Variants in CPED1 observed in about 807,000 individuals in gnomAD.
The protein encoded by CPED1 is cadherin-like and PC-esterase domain-containing protein 1.
A neutral mutation model predicts 128.2 loss-of-function variants in CPED1; 114 were observed. The ratio of observed to expected loss-of-function variants is 0.89; its 90% CI spans 0.76 to 1.04. The LOEUF is 1.04. Among genes scored for constraint, CPED1 ranks in the 50% least tolerant of loss-of-function variants. The probability of loss-of-function intolerance (pLI) is 0.00; values close to 1 mark genes in which losing one functional copy is unlikely to be tolerated. For missense variants in CPED1, 1,211 were observed against 1,207.1 expected (o/e 1.00, Z -0.05); for synonymous variants, 462 against 426.7 (o/e 1.08, Z -1.02).
chr7:121,284,054 G>A (rs978529196), intron 22 of CPED1, among the ~76,000 whole-genome samples: 9 of 152,224 alleles, frequency 5.9e-5, no homozygotes, highest in African/African-American at 1.9e-4. Flanking sequence ...ATAAAGGAAA[G>A]AGGTTTAATT....
At chr7:121,247,313 G>C (rs1798561148) in intron 18 of CPED1, among the ~76,000 whole-genome samples, 1 of 152,134 alleles carries the variant, frequency 6.6e-6, no homozygotes, top group South Asian at 2.1e-4. Flanking sequence ...AGAGGAGTGG[G>C]AGAGGGGCAG....
intron 10 of CPED1, among the ~76,000 whole-genome samples, chr7:121,128,017 G>C (rs1795552046): frequency 6.6e-6 from 1 of 152,132 alleles, no homozygotes; most frequent in Non-Finnish European, 1.5e-5. Flanking sequence ...CAGAGGACTT[G>C]AATTATAATG....
intron 22 of CPED1, among the ~76,000 whole-genome samples, chr7:121,294,806 CAAA>C (rs752742828): frequency 4.9e-5 from 3 of 61,392 alleles, no homozygotes; most frequent in African/African-American, 5.9e-5. Flanking sequence ...GCCTTCTAAG[CAAA>C]AAAAAAAAAA....
At chr7:121,020,301 T>C (rs1471900383) in intron 3 of CPED1, among the ~76,000 whole-genome samples, 2 of 152,026 alleles carry the variant, frequency 1.3e-5, no homozygotes, top group Non-Finnish European at 2.9e-5. Flanking sequence ...TGGCAAACTA[T>C]AGTCCACTGG....
At chr7:121,251,449 T>G (rs1056407811) in intron 18 of CPED1, among the ~76,000 whole-genome samples, 2 of 152,008 alleles carry the variant, frequency 1.3e-5, no homozygotes, top group Admixed American at 6.6e-5. Flanking sequence ...CAACATAGTG[T>G]TGGAAGTTCT....
intron 2 of CPED1, among the ~76,000 whole-genome samples, chr7:120,992,267 G>T (rs1434702973): frequency 6.6e-6 from 1 of 151,998 alleles, no homozygotes; most frequent in Non-Finnish European, 1.5e-5. Context: ...TGTAAATTTT[G>T]GATTTTGTTA....
chr7:121,081,508 A>G (rs1794294327), intron 5 of CPED1, among the ~76,000 whole-genome samples: 1 of 152,146 alleles, frequency 6.6e-6, no homozygotes, highest in Admixed American at 6.5e-5. Context: ...CACTTCTCCT[A>G]GCACCATCTA....
chr7:121,232,190 A>G (rs1798155535), intron 16 of CPED1, among the ~76,000 whole-genome samples: 4 of 152,116 alleles, frequency 2.6e-5, no homozygotes, highest in Non-Finnish European at 5.9e-5. Flanking sequence ...TTTTCCCACA[A>G]AGTCGCAGGG....
At chr7:121,169,924 C>T (rs572128526) in intron 16 of CPED1, among the ~76,000 whole-genome samples, 9 of 152,110 alleles carry the variant, frequency 5.9e-5, no homozygotes, top group Admixed American at 2.0e-4. Flanking sequence ...ATGGTTTAAT[C>T]GATGTCTGTG....
At chr7:121,229,880 T>A (rs1798098746) in intron 16 of CPED1, among the ~76,000 whole-genome samples, 1 of 152,004 alleles carries the variant, frequency 6.6e-6, no homozygotes, top group Non-Finnish European at 1.5e-5. Flanking sequence ...GTTAACCTTA[T>A]GGAAACATCA....
intron 16 of CPED1, among the ~76,000 whole-genome samples, chr7:121,190,466 A>G (rs1797110717): frequency 6.6e-6 from 1 of 151,562 alleles, no homozygotes; most frequent in African/African-American, 2.4e-5. Flanking sequence ...GAGAACAGGC[A>G]TGGCATAATC....
chr7:121,010,875 A>C (rs1792148164), intron 2 of CPED1, among the ~76,000 whole-genome samples: 2 of 152,242 alleles, frequency 1.3e-5, no homozygotes, highest in African/African-American at 4.8e-5. Flanking sequence ...TCCTGCAATT[A>C]TAACATAAGT....
chr7:121,183,604 G>A (rs756882894), intron 16 of CPED1, among the ~76,000 whole-genome samples: 2 of 152,118 alleles, frequency 1.3e-5, no homozygotes, highest in Non-Finnish European at 2.9e-5. Flanking sequence ...AATAGCTATA[G>A]CAAACTGTTC....
intron 22 of CPED1, among the ~76,000 whole-genome samples, chr7:121,288,525 A>G (rs1232271830): frequency 2.0e-5 from 3 of 152,226 alleles, no homozygotes; most frequent in African/African-American, 7.2e-5. Context: ...ATCTGTCAAA[A>G]TACTGACACT....
chr7:121,228,517 A>G (rs1798066938), intron 16 of CPED1, among the ~76,000 whole-genome samples: 1 of 151,548 alleles, frequency 6.6e-6, no homozygotes, highest in Non-Finnish European at 1.5e-5. Flanking sequence ...AAGAAAAGAG[A>G]ACTCTTATAC....
intron 16 of CPED1, among the ~76,000 whole-genome samples, chr7:121,188,432 C>T (rs1235735979): frequency 6.6e-6 from 1 of 152,120 alleles, no homozygotes; most frequent in African/African-American, 2.4e-5. Context: ...CAAAATTACA[C>T]TCTTTATTTT....
intron 16 of CPED1, among the ~76,000 whole-genome samples, chr7:121,168,946 C>A (rs1367731904): frequency 6.6e-6 from 1 of 152,132 alleles, no homozygotes; most frequent in African/African-American, 2.4e-5. Flanking sequence ...AAAAATCAAA[C>A]AAGTTTAGAA....
At chr7:121,009,570 G>A (rs1244521492) in intron 2 of CPED1, among the ~76,000 whole-genome samples, 1 of 142,292 alleles carries the variant, frequency 7.0e-6, no homozygotes, top group Non-Finnish European at 1.5e-5. Context: ...TCATGCCACT[G>A]CTCTCTAGCC....
intron 22 of CPED1, among the ~76,000 whole-genome samples, chr7:121,289,826 C>CT (rs1376595896): frequency 1.3e-5 from 2 of 151,872 alleles, no homozygotes; most frequent in Non-Finnish European, 2.9e-5. Flanking sequence ...TTTTATTATA[C>CT]TTTAAGTTCT....
Sources: allele counts gnomAD v4.1 joint callset (sites outside exome capture counted in the v4.1 genomes callset), GRCh38; gene constraint gnomAD v4.1.1; transcripts MANE v1.5; gene names NCBI Gene and HGNC (gene_info 2026-07-23, HGNC 2026-07-21).